Variants in LEMD1 observed in about 807,000 individuals in gnomAD.
LEMD1 encodes the protein LEM domain containing 1.
LEMD1 carries 18 observed loss-of-function variants against 17.4 expected under a neutral mutation model. That is an observed-to-expected ratio of 1.04 (90% confidence interval 0.72 to 1.54). LEMD1 has a LOEUF of 1.54. Among genes scored for constraint, LEMD1 ranks in the 40% most tolerant of loss-of-function variants. The pLI is 0.00. For synonymous variants in LEMD1, 88 were observed against 77.8 expected, an observed-to-expected ratio of 1.13 and a Z score of -0.69; for missense variants, 195 against 210.4, an observed-to-expected ratio of 0.93 and a Z score of 0.45.
chr1:205,411,152 AAAG>A (rs1160611019), intron 4 of LEMD1, among the ~76,000 whole-genome samples: 12 of 149,120 alleles, frequency 8.0e-5, no homozygotes, highest in African/African-American at 3.0e-4. Context: ...AAGGAAAAAG[AAAG>A]AAGAAAGAGA....
At chr1:205,418,165 T>G (rs1665784878) in intron 3 of LEMD1, among the ~76,000 whole-genome samples, 2 of 151,972 alleles carry the variant, frequency 1.3e-5, no homozygotes, top group South Asian at 2.1e-4. Flanking sequence ...GCTGTGAGAG[T>G]TAAATGGGAT....
chr1:205,426,028 C>T (rs1005466421), upstream of LEMD1, among the ~76,000 whole-genome samples: 2 of 152,188 alleles, frequency 1.3e-5, no homozygotes, highest in Admixed American at 6.5e-5. Context: ...GGAGCCAGAA[C>T]AACTCCACCC....
chr1:205,391,976 T>C (rs1477758722), intron 4 of LEMD1, among the ~76,000 whole-genome samples: 1 of 146,432 alleles, frequency 6.8e-6, no homozygotes, highest in Non-Finnish European at 1.5e-5. Flanking sequence ...CCGGGCATAG[T>C]GGCAGGCACC....
At chr1:205,433,044 T>C (rs549771560) in intron 1 of LEMD1, among the ~76,000 whole-genome samples, 1 of 152,200 alleles carries the variant, frequency 6.6e-6, no homozygotes, top group South Asian at 2.1e-4. Context: ...CCACTTCTTA[T>C]GTGATGCCTT....
chr1:205,383,098 TA>T (rs1375977876), intron 5 of LEMD1, among the ~76,000 whole-genome samples: 1 of 152,242 alleles, frequency 6.6e-6, no homozygotes, highest in African/African-American at 2.4e-5. Flanking sequence ...ATTACATACA[TA>T]TTTTTTTGAG....
intron 3 of LEMD1, among the ~76,000 whole-genome samples, chr1:205,418,662 C>T (rs976593898): frequency 1.3e-5 from 2 of 152,106 alleles, no homozygotes; most frequent in African/African-American, 4.8e-5. Flanking sequence ...ATTACAGGTG[C>T]GTGCCATCAC....
intron 4 of LEMD1, among the ~76,000 whole-genome samples, chr1:205,400,042 A>ACAG (rs1182698979): frequency 3.3e-5 from 5 of 152,286 alleles, no homozygotes; most frequent in African/African-American, 1.2e-4. Flanking sequence ...GTTCAATTAC[A>ACAG]AAGGCAAAAA....
intron 3 of LEMD1, 56 bp downstream of exon 3, chr1:205,419,174 G>A: frequency 1.3e-6 from 2 of 1,591,140 alleles, no homozygotes; most frequent in Non-Finnish European, 1.7e-6. Flanking sequence ...AATCATGCTG[G>A]ACAAGGTATT....
In LEMD1 at chr1:205,381,710, A is replaced by T. The variant is rs1663702196; in HGVS notation, c.494T>A (p.Ile165Asn). 6.2e-7 allele frequency: 1 copy of T among 1,614,246 alleles called. No individual in the cohort carries two copies. The highest frequency in any genetic ancestry group is 8.5e-7 in the Non-Finnish European group (1 of 1,180,046). The change falls in exon 6 of 6, where the codon ATC becomes AAC. Residue 165 changes from isoleucine to asparagine, a missense_variant. Ile to Asn is a moderately radical substitution (Grantham distance 149, BLOSUM62 -3). Coordinates refer to ENST00000367153, the MANE Select transcript of LEMD1 (RefSeq NM_001199050.2). ...GLKLAVLGIFIIVVFVYLTVE... is the reference protein window; with the variant it reads ...GLKLAVLGIFNIVVFVYLTVE... ...AGTCAGGTAGACAAACACCACAATGATGAAAATACCAAGCACAGCAAGCTT... is the reference window on the plus strand; with the variant it reads ...AGTCAGGTAGACAAACACCACAATGTTGAAAATACCAAGCACAGCAAGCTT...
intron 4 of LEMD1, among the ~76,000 whole-genome samples, chr1:205,388,286 C>T (rs1664141556): frequency 6.6e-6 from 1 of 152,080 alleles, no homozygotes; most frequent in South Asian, 2.1e-4. Flanking sequence ...CAATCGCCGC[C>T]TCCCAGGTTC....
intron 4 of LEMD1, among the ~76,000 whole-genome samples, chr1:205,405,981 T>G (rs932316321): frequency 6.6e-6 from 1 of 152,250 alleles, no homozygotes; most frequent in Non-Finnish European, 1.5e-5. Context: ...CAGACCCCGT[T>G]TGCCTGGGTA....
chr1:205,419,039 G>A (rs527904967), intron 3 of LEMD1, among the ~76,000 whole-genome samples, 191 bp downstream of exon 3: 7 of 152,330 alleles, frequency 4.6e-5, no homozygotes, highest in East Asian at 3.9e-4. Flanking sequence ...AGTCACTGGC[G>A]TGAATACAGA....
At chr1:205,418,249 A>C (rs1443367526) in intron 3 of LEMD1, among the ~76,000 whole-genome samples, 1 of 152,204 alleles carries the variant, frequency 6.6e-6, no homozygotes, top group African/African-American at 2.4e-5. Flanking sequence ...TGTGGCTCAT[A>C]GAGAACTCAT....
intron 1 of LEMD1, among the ~76,000 whole-genome samples, chr1:205,431,526 G>A (rs895648472): frequency 6.6e-6 from 1 of 152,206 alleles, no homozygotes; most frequent in African/African-American, 2.4e-5. Context: ...GGCCGCCACA[G>A]ATAGTAAAGA....
intron 3 of LEMD1, among the ~76,000 whole-genome samples, chr1:205,417,557 A>G (rs778246679): frequency 6.6e-6 from 1 of 152,114 alleles, no homozygotes; most frequent in Non-Finnish European, 1.5e-5. Context: ...TCTGAACACA[A>G]TCTACAACCA....
chr1:205,401,043 T>C (rs1342455553), intron 4 of LEMD1, among the ~76,000 whole-genome samples: 2 of 151,782 alleles, frequency 1.3e-5, no homozygotes, highest in Non-Finnish European at 2.9e-5. Flanking sequence ...TTTTTATGGC[T>C]GCATAGTATT....
intron 4 of LEMD1, among the ~76,000 whole-genome samples, chr1:205,401,548 GT>G (rs1378233702): frequency 6.6e-6 from 1 of 151,780 alleles, no homozygotes; most frequent in African/African-American, 2.4e-5. Context: ...GGGGTTGTTT[GT>G]TTTTTTCTTG....
intron 4 of LEMD1, among the ~76,000 whole-genome samples, chr1:205,411,034 AAAG>A (rs961273380): frequency 6.0e-5 from 9 of 150,034 alleles, no homozygotes; most frequent in African/African-American, 2.2e-4. Context: ...GAAGGAAGGG[AAAG>A]AAGGAAGGAA....
chr1:205,419,118 T>C (rs1029531721), intron 3 of LEMD1, 112 bp downstream of exon 3: 9 of 1,261,028 alleles, frequency 7.1e-6, no homozygotes, highest in Middle Eastern at 2.3e-4. Context: ...AAAGAGGCCC[T>C]ATGGCTATTT....
Sources: gnomAD v4.1 joint callset for allele counts (sites outside exome capture counted in the v4.1 genomes callset) on GRCh38, gnomAD v4.1.1 for gene constraint, MANE v1.5 for transcripts, NCBI Gene and HGNC (gene_info 2026-07-23, HGNC 2026-07-21) for gene names.